The following KDM4C variants were observed in gnomAD, a reference collection of about 807,000 sequenced individuals.
KDM4C encodes lysine-specific demethylase 4C.
In KDM4C, 81 loss-of-function variants were observed where a neutral mutation model predicts 129.3. That is an observed-to-expected ratio of 0.63 (90% confidence interval 0.52 to 0.75). The LOEUF is 0.75. KDM4C is among the 30% of genes least tolerant of loss of function. The pLI is 0.00. For missense variants in KDM4C, 1,457 were observed against 1,304.0 expected, an observed-to-expected ratio of 1.12 and a Z score of -1.81; for synonymous variants, 573 against 456.1, an observed-to-expected ratio of 1.26 and a Z score of -3.26.
At chr9:7,117,423 G>A (rs1033268481) in intron 18 of KDM4C, among the ~76,000 whole-genome samples, 2 of 151,942 alleles carry the variant, frequency 1.3e-5, no homozygotes, top group Admixed American at 6.6e-5. Flanking sequence ...ACCCTGTGTC[G>A]CTTGCTTCTC....
At chr9:6,960,773 T>G (rs796960970) in intron 8 of KDM4C, among the ~76,000 whole-genome samples, 9 of 152,302 alleles carry the variant, frequency 5.9e-5, no homozygotes, top group African/African-American at 1.7e-4. Flanking sequence ...AGTGCAGACA[T>G]TCTCAGCTTC....
At chr9:6,964,063 T>C (rs971002011) in intron 8 of KDM4C, among the ~76,000 whole-genome samples, 8 of 152,220 alleles carry the variant, frequency 5.3e-5, no homozygotes, top group African/African-American at 1.9e-4. Context: ...TTTTCTGTAA[T>C]CTTTGCTTTC....
chr9:6,991,930 C>T (rs1818821338), intron 12 of KDM4C, among the ~76,000 whole-genome samples: 1 of 151,784 alleles, frequency 6.6e-6, no homozygotes, highest in African/African-American at 2.4e-5. Flanking sequence ...TGTATGAAAC[C>T]AATCCAGGGT....
chr9:6,776,283 G>T (rs1224020688), intron 1 of KDM4C, among the ~76,000 whole-genome samples: 1 of 151,894 alleles, frequency 6.6e-6, no homozygotes, highest in Non-Finnish European at 1.5e-5. Context: ...TTCCTTTTTT[G>T]AGATGGAGTC....
intron 18 of KDM4C, among the ~76,000 whole-genome samples, chr9:7,124,399 T>C (rs1435918621): frequency 6.6e-6 from 1 of 152,214 alleles, no homozygotes; most frequent in Non-Finnish European, 1.5e-5. Context: ...TCCACATCAC[T>C]CAGGGCCACT....
chr9:7,050,670 A>G (rs1306986133), intron 17 of KDM4C, among the ~76,000 whole-genome samples: 1 of 152,082 alleles, frequency 6.6e-6, no homozygotes, highest in Non-Finnish European at 1.5e-5. Flanking sequence ...TTTCTGTGTT[A>G]TTACCAGTGC....
In KDM4C at chr9:6,984,334, T is replaced by C; in HGVS notation, c.1284T>C (p.Ser428=). ...TGAAGCTGAGGAACACAGAAGCATCTTCAGAAGAAGAGTCATCTGCTAGCA... is the reference window on the plus strand; with the variant it reads ...TGAAGCTGAGGAACACAGAAGCATCCTCAGAAGAAGAGTCATCTGCTAGCA... ...AAVKLRNTEA[S]SEEESSASRM... The change falls in exon 10 of 22, where the codon TCT becomes TCC. Residue 428 remains serine, a synonymous_variant. Transcript: ENST00000381309. 1 of 1,614,062 alleles carries C rather than the reference T, an allele frequency of 6.2e-7. No homozygotes were observed. The highest frequency in any genetic ancestry group is 8.5e-7 in the Non-Finnish European group (1 of 1,179,930).
At chr9:6,862,835 CAAACAAA>C (rs1841194371) in intron 5 of KDM4C, among the ~76,000 whole-genome samples, 1 of 150,522 alleles carries the variant, frequency 6.6e-6, no homozygotes, top group Non-Finnish European at 1.5e-5. Flanking sequence ...AACAAACAAA[CAAACAAA>C]AAACAAAAAA....
At chr9:6,810,098 T>C (rs1008250379) in intron 3 of KDM4C, among the ~76,000 whole-genome samples, 2 of 152,250 alleles carry the variant, frequency 1.3e-5, no homozygotes. Flanking sequence ...ACTTGAGCCT[T>C]GAAGTTCTTT....
intron 4 of KDM4C, among the ~76,000 whole-genome samples, chr9:6,824,612 G>A (rs1359194682): frequency 4.7e-5 from 7 of 148,620 alleles, no homozygotes; most frequent in East Asian, 3.9e-4. Context: ...AAGGCCGGGC[G>A]TGGTGGCTCA....
At position 6,984,237 on chromosome 9, in the gene KDM4C, A is replaced by G. The variant is rs530367184; in HGVS notation, c.1187A>G (p.Asp396Gly). The part of the protein sequence containing the change: ...DEEEEVSDEV[D>G]GAEVPNPDSV... ...GAAGAGGAAGTGTCAGATGAAGTCG[A>G]TGGGGCAGAGGTCCCTAACCCCGAC... is the stretch of plus-strand genomic sequence containing the variant. Residue 396 changes from aspartate to glycine, a missense_variant, in exon 10 of 22, where the codon GAT becomes GGT. Asp to Gly is a moderately conservative substitution (Grantham distance 94). Coordinates refer to ENST00000381309, the MANE Select transcript of KDM4C (RefSeq NM_015061.6). 4.3e-6 allele frequency: 7 copies of G among 1,613,976 alleles called. No homozygotes were observed. Among genetic ancestry groups the G allele is most frequent in the East Asian group, 4.5e-5 (2 of 44,882 alleles).
At chr9:6,980,611 T>C (rs962377175) in intron 8 of KDM4C, among the ~76,000 whole-genome samples, 2 of 152,328 alleles carry the variant, frequency 1.3e-5, no homozygotes, top group Non-Finnish European at 2.9e-5. Flanking sequence ...TGACACATCA[T>C]TGTGATGGGC....
At chr9:6,847,294 T>C (rs1838008231) in intron 4 of KDM4C, among the ~76,000 whole-genome samples, 1 of 152,216 alleles carries the variant, frequency 6.6e-6, no homozygotes, top group African/African-American at 2.4e-5. Context: ...CTGATTGGAC[T>C]AGAGTTAAGA....
intron 1 of KDM4C, among the ~76,000 whole-genome samples, chr9:6,768,908 G>T (rs959403879): frequency 5.9e-5 from 9 of 152,034 alleles, no homozygotes; most frequent in Non-Finnish European, 1.3e-4. Context: ...GAGTAACTGG[G>T]ACTACAGGTG....
At chr9:6,957,808 G>C (rs932136088) in intron 8 of KDM4C, among the ~76,000 whole-genome samples, 4 of 152,172 alleles carry the variant, frequency 2.6e-5, no homozygotes, top group Non-Finnish European at 5.9e-5. Flanking sequence ...TGGCCCTCTT[G>C]CTTCTTGGCT....
intron 8 of KDM4C, among the ~76,000 whole-genome samples, chr9:6,944,116 G>A (rs944045725): frequency 2.0e-5 from 3 of 152,218 alleles, no homozygotes; most frequent in African/African-American, 4.8e-5. Context: ...GTCGAATTAT[G>A]TGTTGGGTTA....
intron 1 of KDM4C, among the ~76,000 whole-genome samples, chr9:6,749,866 A>G (rs956705616): frequency 2.0e-5 from 3 of 150,930 alleles, no homozygotes; most frequent in Non-Finnish European, 4.4e-5. Flanking sequence ...CATGCCTGTA[A>G]TCGCAGCTAC....
At chr9:6,894,018 C>A (rs10975877) in intron 8 of KDM4C, among the ~76,000 whole-genome samples, 1 of 152,048 alleles carries the variant, frequency 6.6e-6, no homozygotes, top group East Asian at 1.9e-4. Flanking sequence ...GTAAAGTTGA[C>A]GTAGATTTAG....
At chr9:6,789,218 A>ATTTTT (rs71308871) in intron 1 of KDM4C, among the ~76,000 whole-genome samples, 1 of 117,304 alleles carries the variant, frequency 8.5e-6, no homozygotes, top group Non-Finnish European at 1.7e-5. Flanking sequence ...CGCCTGGCTA[A>ATTTTT]TTTTTTTTTT....
Sources: allele counts gnomAD v4.1 joint callset (sites outside exome capture counted in the v4.1 genomes callset), GRCh38; gene constraint gnomAD v4.1.1; transcripts MANE v1.5; gene names NCBI Gene and HGNC (gene_info 2026-07-23, HGNC 2026-07-21).